The following DOK6 variants were observed in gnomAD, a reference collection of about 807,000 sequenced individuals.
DOK6 encodes docking protein 6.
Under a neutral mutation model 44.0 loss-of-function variants are expected in DOK6, and 22 were observed. The ratio of observed to expected loss-of-function variants is 0.50; its 90% CI spans 0.36 to 0.71. The LOEUF (loss-of-function observed/expected upper bound fraction) is 0.71, where lower values mean the gene tolerates loss of function less well. Among genes scored for constraint, DOK6 ranks in the 30% least tolerant of loss-of-function variants. DOK6 has a pLI of 0.00. For synonymous variants in DOK6, 166 were observed against 145.5 expected (o/e 1.14, Z -1.01); for missense variants, 340 against 416.4 (o/e 0.82, Z 1.60).
intron 7 of DOK6, among the ~76,000 whole-genome samples, chr18:69,790,385 A>G (rs1358261460): frequency 1.3e-5 from 2 of 152,136 alleles, no homozygotes; most frequent in African/African-American, 4.8e-5. Flanking sequence ...TACCTTTGTA[A>G]CAGACCTGCA....
chr18:69,573,637 G>GT lies in DOK6; in HGVS notation c.174+9052dup, dbSNP rs748015408. On this transcript the variant is annotated intron_variant, in intron 2 of 7. Transcript: ENST00000382713. ...ATTCATCAGTAGTACAAATTTTAAGGTTTTTTTTTAAGAGTGTATGCAAGG... is the reference window on the plus strand; with the variant it reads ...ATTCATCAGTAGTACAAATTTTAAGGTTTTTTTTTTAAGAGTGTATGCAAGG... 8.6e-4 allele frequency among the ~76,000 whole-genome samples: 129 copies of GT among 150,384 alleles called. 1 individual carries two copies. Among genetic ancestry groups the GT allele is most frequent in the Admixed American group, 1.5e-3 (22 of 15,058 alleles).
chr18:69,762,474 A>G lies in DOK6; in HGVS notation c.856+4601A>G, dbSNP rs1042326740. 5.9e-5 allele frequency among the ~76,000 whole-genome samples: 9 copies of G among 152,374 alleles called. No individual in the cohort carries two copies. In the East Asian group the frequency reaches 1.7e-3, roughly 29 times the overall value. ...CTGTCATCACTGATTTTGCCAAATCAAAGTAAAAGTCTGGCAATGTGGGAA... is the reference window on the plus strand; with the variant it reads ...CTGTCATCACTGATTTTGCCAAATCGAAGTAAAAGTCTGGCAATGTGGGAA... On this transcript the variant is annotated intron_variant, in intron 7 of 7. Coordinates refer to ENST00000382713, the MANE Select transcript of DOK6 (RefSeq NM_152721.6).
At chr18:69,585,960 A>G (rs1249667652) in intron 2 of DOK6, among the ~76,000 whole-genome samples, 2 of 152,144 alleles carry the variant, frequency 1.3e-5, no homozygotes, top group Non-Finnish European at 2.9e-5. Flanking sequence ...TAAGGCAATG[A>G]TCTCTCAAGC....
intron 1 of DOK6, among the ~76,000 whole-genome samples, chr18:69,461,503 G>A (rs1979786769): frequency 6.6e-6 from 1 of 152,046 alleles, no homozygotes; most frequent in African/African-American, 2.4e-5. Context: ...GCTTACGGTG[G>A]AGCACATATC....
At chr18:69,418,642 C>CTTTTT (rs544310395) in intron 1 of DOK6, among the ~76,000 whole-genome samples, 1 of 150,144 alleles carries the variant, frequency 6.7e-6, no homozygotes, top group Non-Finnish European at 1.5e-5. Flanking sequence ...CTTTTCTTTT[C>CTTTTT]TTTTTTTTTG....
At chr18:69,757,993 G>C (rs1023745872) in intron 7 of DOK6, 120 bp downstream of exon 7, 5 of 840,406 alleles carry the variant, frequency 5.9e-6, no homozygotes, top group African/African-American at 1.7e-5. Context: ...TTTATCAGCT[G>C]TCACTGGCCA....
intron 5 of DOK6, among the ~76,000 whole-genome samples, chr18:69,711,111 A>G (rs1053919138): frequency 3.9e-5 from 6 of 152,214 alleles, no homozygotes. Context: ...TTTTCCATAT[A>G]TGGCACCTGG....
chr18:69,433,501 C>T (rs1978863010), intron 1 of DOK6, among the ~76,000 whole-genome samples: 1 of 151,826 alleles, frequency 6.6e-6, no homozygotes, highest in African/African-American at 2.4e-5. Flanking sequence ...AAAATAGCAG[C>T]CAAAAATTAT....
chr18:69,724,521 A>C (rs895431390), intron 5 of DOK6, among the ~76,000 whole-genome samples: 2 of 152,254 alleles, frequency 1.3e-5, no homozygotes, highest in African/African-American at 4.8e-5. Flanking sequence ...ATAGTGCTTG[A>C]ATTCCCATTA....
chr18:69,432,142 T>C (rs1273394369), intron 1 of DOK6, among the ~76,000 whole-genome samples: 4 of 152,202 alleles, frequency 2.6e-5, no homozygotes, highest in African/African-American at 4.8e-5. Flanking sequence ...ATTATTAAAC[T>C]AAAGAAGTTT....
chr18:69,447,518 G>A (rs1031052536), intron 1 of DOK6, among the ~76,000 whole-genome samples: 1 of 152,128 alleles, frequency 6.6e-6, no homozygotes, highest in South Asian at 2.1e-4. Context: ...TTTTGGCTTA[G>A]GATTGTCTTG....
Position 69,423,196 on chromosome 18 carries a change from G to C in DOK6, c.66+21886G>C, listed in dbSNP as rs567364869. ...TGAACACCTGTAGCCCAGCCACGCG[G>C]GAGGCTGGGGTGCCAGGATCACTTG... On this transcript the variant is annotated intron_variant, in intron 1 of 7. Coordinates refer to ENST00000382713, the MANE Select transcript of DOK6 (RefSeq NM_152721.6). Among the ~76,000 whole-genome samples the C allele has an allele frequency of 4.6e-5, 7 of 152,246 alleles. No homozygotes were observed. In the South Asian group the frequency reaches 1.5e-3, roughly 32 times the overall value.
At chr18:69,813,601 G>A (rs1366927573) in intron 7 of DOK6, among the ~76,000 whole-genome samples, 1 of 152,152 alleles carries the variant, frequency 6.6e-6, no homozygotes, top group Non-Finnish European at 1.5e-5. Flanking sequence ...TCTAGAGATT[G>A]CATTTTTTTA....
intron 3 of DOK6, among the ~76,000 whole-genome samples, chr18:69,663,602 T>C (rs537500100): frequency 6.1e-4 from 93 of 152,230 alleles, no homozygotes; most frequent in Middle Eastern, 3.4e-3. Context: ...ACTAAGAAAT[T>C]GTGGAGATGC....
At chr18:69,455,156 C>CAAAAAAAAAAA (rs58451274) in intron 1 of DOK6, among the ~76,000 whole-genome samples, 56 of 117,338 alleles carry the variant, frequency 4.8e-4, no homozygotes, top group Non-Finnish European at 6.7e-4. Context: ...ATAGCTATAG[C>CAAAAAAAAAAA]AAAAAAAAAA....
chr18:69,734,393 C>CAAAAAAAAAAA (rs60831756), intron 5 of DOK6, among the ~76,000 whole-genome samples: 25 of 48,484 alleles, frequency 5.2e-4, no homozygotes, highest in East Asian at 1.5e-3. Context: ...TTCATAGCAG[C>CAAAAAAAAAAA]AAAAAAAAAA....
At chr18:69,624,315 T>C (rs897790750) in intron 3 of DOK6, among the ~76,000 whole-genome samples, 2 of 152,126 alleles carry the variant, frequency 1.3e-5, no homozygotes, top group African/African-American at 4.8e-5. Context: ...ATCCTATCGG[T>C]TAAAAATGGC....
chr18:69,776,282 C>T (rs754839946), intron 7 of DOK6, among the ~76,000 whole-genome samples: 40 of 152,046 alleles, frequency 2.6e-4, no homozygotes, highest in Non-Finnish European at 5.0e-4. Context: ...GCCACAAACA[C>T]ATCTTAACGT....
At chr18:69,631,811 T>C (rs527331753) in intron 3 of DOK6, among the ~76,000 whole-genome samples, 1 of 152,300 alleles carries the variant, frequency 6.6e-6, no homozygotes, top group Admixed American at 6.5e-5. Context: ...TGTCCGAAAA[T>C]CCAAGCGCTA....
Sources: gnomAD v4.1 joint callset for allele counts (sites outside exome capture counted in the v4.1 genomes callset) on GRCh38, gnomAD v4.1.1 for gene constraint, MANE v1.5 for transcripts, NCBI Gene and HGNC (gene_info 2026-07-23, HGNC 2026-07-21) for gene names.